SP3: variants seen among roughly 807,000 people sequenced by gnomAD.
The protein encoded by SP3 is Sp3 transcription factor.
SP3 carries 10 observed loss-of-function variants against 70.3 expected under a neutral mutation model. The ratio of observed to expected loss-of-function variants is 0.14; its 90% CI spans 0.09 to 0.24. SP3 has a LOEUF of 0.24. Among genes scored for constraint, SP3 ranks in the 10% least tolerant of loss-of-function variants. SP3 has a pLI of 1.00. For synonymous variants in SP3, 402 were observed against 333.5 expected (o/e 1.21, Z -2.24); for missense variants, 825 against 914.6 (o/e 0.90, Z 1.26).
chr2:173,918,907 C>T (rs529193228), intron 4 of SP3, 122 bp from the exon 5 acceptor site: 4 of 789,866 alleles, frequency 5.1e-6, no homozygotes, highest in Middle Eastern at 2.4e-4. Flanking sequence ...CTTGCCTAGA[C>T]TGTTTTCCAG....
At position 173,907,118 on chromosome 2, in the gene SP3, T is replaced by C. The variant is rs983899090; in HGVS notation, c.*2823A>G. On this transcript the variant is annotated 3_prime_UTR_variant, in exon 7 of 7. Transcript: ENST00000310015. ...TTTTCAGTAATTAAGCCTCAATCTA[T>C]AGAAAATGAGATGCTCTTTAAGTGA... 6 of 152,200 alleles carry C rather than the reference T, an allele frequency of 3.9e-5. No homozygotes were observed. The highest frequency in any genetic ancestry group is 8.8e-5 in the Non-Finnish European group (6 of 68,008). 9.4% of individuals were successfully genotyped at this position (152,200 alleles called of 1,614,324 possible).
At chr2:173,957,107 AT>A (rs1359944765) in intron 3 of SP3, among the ~76,000 whole-genome samples, 2 of 152,214 alleles carry the variant, frequency 1.3e-5, no homozygotes, top group African/African-American at 4.8e-5. Context: ...AAACAAAAAA[AT>A]CTTAAGTTTC....
At chr2:173,913,289 T>C in intron 5 of SP3, 23 bp from the exon 6 acceptor site, 1 of 1,426,368 alleles carries the variant, frequency 7.0e-7, no homozygotes, top group Non-Finnish European at 9.3e-7. Flanking sequence ...CATAGAATAA[T>C]ATATACTTAT....
At chr2:173,945,975 A>G (rs1305142982) in intron 4 of SP3, among the ~76,000 whole-genome samples, 4 of 152,020 alleles carry the variant, frequency 2.6e-5, no homozygotes, top group Non-Finnish European at 5.9e-5. Context: ...AAAAACACAA[A>G]AATTAGCCAG....
At chr2:173,933,638 T>TATATATA (rs71405167) in intron 4 of SP3, among the ~76,000 whole-genome samples, 2 of 86,566 alleles carry the variant, frequency 2.3e-5, no homozygotes, top group Admixed American at 1.3e-4. Context: ...TTATAAAACT[T>TATATATA]TATATATATA....
chr2:173,947,995 C>T (rs957434560), intron 4 of SP3, among the ~76,000 whole-genome samples: 4 of 152,066 alleles, frequency 2.6e-5, no homozygotes, highest in African/African-American at 7.2e-5. Flanking sequence ...GTCTCATCTC[C>T]GTAAATCTTC....
At chr2:173,948,669 T>A (rs1574419362) in intron 4 of SP3, among the ~76,000 whole-genome samples, 1 of 152,174 alleles carries the variant, frequency 6.6e-6, no homozygotes, top group African/African-American at 2.4e-5. Flanking sequence ...AAAATTTCAC[T>A]TTCTACATTA....
At chr2:173,961,864 A>C in intron 3 of SP3, among the ~76,000 whole-genome samples, 1 of 151,544 alleles carries the variant, frequency 6.6e-6, no homozygotes, top group East Asian at 1.9e-4. Flanking sequence ...CACACAAGCC[A>C]GTCTTACCAA....
intron 4 of SP3, among the ~76,000 whole-genome samples, chr2:173,953,232 G>C (rs1001089656): frequency 6.6e-6 from 1 of 152,238 alleles, no homozygotes; most frequent in East Asian, 1.9e-4. Context: ...TCACTGCCTT[G>C]ATTTATGCTA....
At chr2:173,915,126 G>C (rs1464621509) in intron 5 of SP3, 1 of 152,108 alleles carries the variant, frequency 6.6e-6, no homozygotes, top group Non-Finnish European at 1.5e-5. Context: ...CAAATTAACA[G>C]CAACAGATCT....
rs1162411770 is a variant in SP3 at position 173,906,419 on chromosome 2, A to T, written c.*3522T>A. 1.3e-5 allele frequency: 2 copies of T among 152,216 alleles called. No individual in the cohort carries two copies. The highest frequency in any genetic ancestry group is 4.8e-5 in the African/African-American group (2 of 41,462). 9.4% of individuals were successfully genotyped at this position (152,216 alleles called of 1,614,324 possible). Reference sequence around the variant, plus strand: ...ATATCAATTAATTTGTTTTGTGCTTATTGTCAGACAACAAAAGACTTAGTA... The same window carrying T: ...ATATCAATTAATTTGTTTTGTGCTTTTTGTCAGACAACAAAAGACTTAGTA... On this transcript the variant is annotated 3_prime_UTR_variant, in exon 7 of 7. Coordinates refer to ENST00000310015, the MANE Select transcript of SP3 (RefSeq NM_003111.5).
intron 2 of SP3, 112 bp downstream of exon 2, chr2:173,964,293 A>G (rs1164597876): frequency 9.6e-6 from 4 of 417,252 alleles, no homozygotes; most frequent in African/African-American, 3.5e-5. Flanking sequence ...AGGGGAGTGG[A>G]GGGGAGGGGA....
chr2:173,901,698 T>C lies in SP3; in HGVS notation c.*8243A>G, dbSNP rs1689193420. On this transcript the variant is annotated 3_prime_UTR_variant, in exon 7 of 7. Coordinates refer to ENST00000310015, the MANE Select transcript of SP3 (RefSeq NM_003111.5). The stretch of plus-strand genomic sequence containing the variant: ...AAACAGTTAGTTGGACTTAAGCCTT[T>C]TTTTTTTTTTTTTTTTTTTTTGAGA... Among the ~76,000 whole-genome samples, 1 of 125,748 alleles carries C rather than the reference T, an allele frequency of 8.0e-6. No individual in the cohort carries two copies. Among genetic ancestry groups the C allele is most frequent in the South Asian group, 2.5e-4 (1 of 3,970 alleles). 82.5% of individuals were successfully genotyped at this position (125,748 alleles called of 152,430 possible).
rs1294338530 is a variant in SP3 at position 173,908,801 on chromosome 2, A to G, written c.*1140T>C. 6.6e-6 allele frequency: 1 copy of G among 152,408 alleles called. No homozygotes were observed. The highest frequency in any genetic ancestry group is 1.9e-4 in the East Asian group (1 of 5,204). The allele number at this position is 152,408 out of a possible 1,614,324, so 9.4% of individuals were successfully genotyped here. A position where few individuals can be genotyped will look rare whatever the true frequency, so the allele number is the denominator to read the frequency against. ...AAAAAATAAAAAGAAAATACAGCAT[A>G]ATAAAAAACATACGCTTCTCAATTA... On this transcript the variant is annotated 3_prime_UTR_variant, in exon 7 of 7. Coordinates refer to ENST00000310015, the MANE Select transcript of SP3 (RefSeq NM_003111.5).
In SP3 at chr2:173,908,448, A is replaced by G. The variant is rs1395154795; in HGVS notation, c.*1493T>C. The stretch of plus-strand genomic sequence containing the variant: ...TCTAAAATCAAGAATCTAAAAATAA[A>G]AAGCCAAGTTGAAGAAAAATAAACC... On this transcript the variant is annotated 3_prime_UTR_variant, in exon 7 of 7. Transcript: ENST00000310015. 1 of 152,508 alleles carries G rather than the reference A, an allele frequency of 6.6e-6. No homozygotes were observed. The highest frequency in any genetic ancestry group is 1.5e-5 in the Non-Finnish European group (1 of 67,918). 9.4% of individuals were successfully genotyped at this position (152,508 alleles called of 1,614,324 possible). A position where few individuals can be genotyped will look rare whatever the true frequency, so the allele number is the denominator to read the frequency against.
chr2:173,910,157 G>A lies in SP3; in HGVS notation c.2130C>T (p.His710=), dbSNP rs1689439289. ...IKTHQNKKGI[H]SSSTVLASVE... is the part of the protein sequence containing the mutation. ...CAGATGCCAGCACTGTACTGCTAGA[G>A]TGAATACCTTTTTTATTCTGGTGTG... Residue 710 remains histidine (H), a synonymous_variant, in exon 7 of 7, where the codon CAC becomes CAT. Transcript: ENST00000310015. The A allele has an allele frequency of 1.2e-6, 2 of 1,613,934 alleles. No individual in the cohort carries two copies. Among genetic ancestry groups the A allele is most frequent in the African/African-American group, 2.7e-5 (2 of 75,046 alleles).
intron 4 of SP3, among the ~76,000 whole-genome samples, chr2:173,932,025 G>A (rs1463062204): frequency 6.6e-6 from 1 of 152,114 alleles, no homozygotes; most frequent in Non-Finnish European, 1.5e-5. Flanking sequence ...CATTCACAAC[G>A]TGGCTGTGTG....
rs72921226 is a variant in SP3, at chr2:173,900,922, G to A, written c.*9019C>T. The stretch of plus-strand genomic sequence containing the variant: ...TAATTCTAATAAAAAACCTTAACCC[G>A]ATTGTTTAATTCTACATAATCATTT... On this transcript the variant is annotated 3_prime_UTR_variant, in exon 7 of 7. Coordinates refer to ENST00000310015, the MANE Select transcript of SP3 (RefSeq NM_003111.5). Among the ~76,000 whole-genome samples, 6,675 of 152,158 alleles carry A rather than the reference G, an allele frequency of 0.044. 180 individuals carry two copies. Among genetic ancestry groups the A allele is most frequent in the Middle Eastern group, 0.078 (23 of 294 alleles).
At chr2:173,965,496 C>T, upstream of SP3, 2 of 321,764 alleles carry the variant, frequency 6.2e-6, no homozygotes, top group South Asian at 9.2e-5. Context: ...TCCTGTTTGC[C>T]CCCGGGTGGA....
Sources: allele counts gnomAD v4.1 joint callset (sites outside exome capture counted in the v4.1 genomes callset), GRCh38; gene constraint gnomAD v4.1.1; transcripts MANE v1.5; gene names NCBI Gene and HGNC (gene_info 2026-07-23, HGNC 2026-07-21).